The following EPB41L3 variants were observed in gnomAD, a reference collection of about 807,000 sequenced individuals.
EPB41L3 encodes erythrocyte membrane protein band 4.1 like 3, also known as band 4.1-like protein 3.
EPB41L3 carries 57 observed loss-of-function variants against 127.1 expected under a neutral mutation model. The ratio of observed to expected loss-of-function variants is 0.45; its 90% CI spans 0.36 to 0.56. EPB41L3 has a LOEUF of 0.56. EPB41L3 is among the 20% of genes least tolerant of loss of function. The pLI, the probability that EPB41L3 is intolerant of heterozygous loss-of-function variation, is 0.00. For missense variants in EPB41L3, 1,273 were observed against 1,372.2 expected, an observed-to-expected ratio of 0.93 and a Z score of 1.14; for synonymous variants, 572 against 549.5, an observed-to-expected ratio of 1.04 and a Z score of -0.57.
chr18:5,518,084 T>G (rs2092823661), intron 1 of EPB41L3, among the ~76,000 whole-genome samples: 1 of 152,194 alleles, frequency 6.6e-6, no homozygotes, highest in African/African-American at 2.4e-5. Flanking sequence ...CAAGGTCTAT[T>G]TATTCCTTAC....
At position 5,434,131 on chromosome 18, in the gene EPB41L3, A is replaced by G. The variant is rs2079389420; in HGVS notation, c.606-10T>C. 1 of 1,611,968 alleles carries G rather than the reference A, an allele frequency of 6.2e-7. No individual in the cohort carries two copies. The highest frequency in any genetic ancestry group is 1.3e-5 in the African/African-American group (1 of 74,888). On this transcript the variant is annotated splice_polypyrimidine_tract_variant and intron_variant, in intron 6 of 22. Coordinates refer to ENST00000341928, the MANE Select transcript of EPB41L3 (RefSeq NM_012307.5). ...CAAGCAGAGGTAGTACCTTCCAGGA[A>G]CCAAAAGCACAACACAACGAAGGCA...
intron 3 of EPB41L3, among the ~76,000 whole-genome samples, chr18:5,608,003 A>T (rs1273460244): frequency 1.3e-5 from 2 of 152,168 alleles, no homozygotes; most frequent in Non-Finnish European, 2.9e-5. Context: ...TGGATGAAAA[A>T]CAGACCCCTT....
chr18:5,472,542 ATGTGT>A (rs1292000011), intron 3 of EPB41L3, among the ~76,000 whole-genome samples: 2 of 152,220 alleles, frequency 1.3e-5, no homozygotes, highest in African/African-American at 4.8e-5. Flanking sequence ...TCTGTGATTT[ATGTGT>A]TTGGTGAATG....
chr18:5,420,235 T>A (rs1312520380), intron 11 of EPB41L3: 3 of 327,718 alleles, frequency 9.2e-6, no homozygotes, highest in Non-Finnish European at 1.7e-5. Context: ...AGGCTGCCGC[T>A]GGGCATATTA....
At chr18:5,607,669 T>C (rs1351498950) in intron 3 of EPB41L3, among the ~76,000 whole-genome samples, 1 of 152,182 alleles carries the variant, frequency 6.6e-6, no homozygotes, top group African/African-American at 2.4e-5. Context: ...TAGGTTACCA[T>C]CCATTCCATT....
At chr18:5,618,247 G>T (rs1340191179) in intron 1 of EPB41L3, among the ~76,000 whole-genome samples, 4 of 152,160 alleles carry the variant, frequency 2.6e-5, no homozygotes, top group Non-Finnish European at 4.4e-5. Flanking sequence ...AAAAGCCAGA[G>T]ACTGAAGAAA....
At position 5,556,723 on chromosome 18, in the gene EPB41L3, T is replaced by C. The variant is rs531975759; in HGVS notation, c.-306+55617A>G. Among the ~76,000 whole-genome samples the C allele has an allele frequency of 2.0e-5, 3 of 152,072 alleles. No individual in the cohort carries two copies. In the East Asian group the frequency reaches 5.8e-4, roughly 29 times the overall value. ...GGGGAACAGAGCAGGAAACATGGAG[T>C]CCACAGACCTGCCCTCTGCCCCGCT... On this transcript the variant is annotated intron_variant, in intron 3 of 21. Transcript: ENST00000545076.
intron 19 of EPB41L3, 34 bp from the exon 20 acceptor site, chr18:5,395,741 G>C (rs1433267282): frequency 6.4e-7 from 1 of 1,554,968 alleles, no homozygotes; most frequent in Non-Finnish European, 8.9e-7. Context: ...CCTCATCCAG[G>C]TGCTCACATC....
intron 3 of EPB41L3, among the ~76,000 whole-genome samples, chr18:5,473,662 A>G (rs1172025355): frequency 6.6e-6 from 1 of 152,072 alleles, no homozygotes; most frequent in Non-Finnish European, 1.5e-5. Flanking sequence ...GAGGACTGTT[A>G]CCTCCATTGC....
chr18:5,414,068 T>G (rs1176482779), intron 13 of EPB41L3, among the ~76,000 whole-genome samples: 3 of 152,222 alleles, frequency 2.0e-5, no homozygotes, highest in African/African-American at 7.2e-5. Context: ...AACAGCAATC[T>G]TTTCTGCCTT....
rs532377722 is a variant in EPB41L3, at chr18:5,534,034, G to A, written c.-12+9879C>T. The stretch of plus-strand genomic sequence containing the variant: ...AAAAATTAGCAAGGCGTGGTGGCGG[G>A]CGCCTGTAGTCCCAGCTCCTTGGGA... On this transcript the variant is annotated intron_variant, in intron 1 of 22. Coordinates refer to ENST00000341928, the MANE Select transcript of EPB41L3 (RefSeq NM_012307.5). Among the ~76,000 whole-genome samples, 362 of 152,240 alleles carry A rather than the reference G, an allele frequency of 2.4e-3. 1 individual carries two copies. Among genetic ancestry groups the A allele is most frequent in the Non-Finnish European group, 4.4e-3 (301 of 68,018 alleles).
At position 5,408,648 on chromosome 18, in the gene EPB41L3, T is replaced by TG. The variant is rs570296769; in HGVS notation, c.2122-913_2122-912insC. On this transcript the variant is annotated intron_variant, in intron 14 of 22. Transcript: ENST00000341928. ...ACAAATATGGGGCAACTAAGAAAGT[T>TG]TTTTTTTTTTTTTAAAAGAAGTCAG... 2.7e-3 allele frequency among the ~76,000 whole-genome samples: 385 copies of TG among 141,718 alleles called. 7 individuals carry two copies. The highest frequency in any genetic ancestry group is 9.5e-3 in the African/African-American group (379 of 39,966). The allele number at this position is 141,718 out of a possible 152,430, so 93.0% of individuals were successfully genotyped here. A position where few individuals can be genotyped will look rare whatever the true frequency, so the allele number is the denominator to read the frequency against.
intron 1 of EPB41L3, among the ~76,000 whole-genome samples, chr18:5,618,703 TA>T (rs369909150): frequency 1.9e-3 from 295 of 151,640 alleles, no homozygotes; most frequent in African/African-American, 6.7e-3. Flanking sequence ...TGAAAAGTGG[TA>T]AAAAAAAACT....
intron 3 of EPB41L3, among the ~76,000 whole-genome samples, chr18:5,458,188 G>A (rs773078336): frequency 4.6e-5 from 7 of 152,124 alleles, no homozygotes; most frequent in Non-Finnish European, 1.0e-4. Flanking sequence ...TCTCTGGCTA[G>A]AACTACAGTG....
chr18:5,400,710 ATC>A (rs1285045450), intron 16 of EPB41L3: 3 of 523,640 alleles, frequency 5.7e-6, no homozygotes, highest in Non-Finnish European at 1.0e-5. Context: ...CAAGATTATT[ATC>A]AGAAAGTAAG....
At chr18:5,509,531 GGA>G (rs2092409836) in intron 1 of EPB41L3, among the ~76,000 whole-genome samples, 1 of 152,190 alleles carries the variant, frequency 6.6e-6, no homozygotes, top group African/African-American at 2.4e-5. Flanking sequence ...AGGAATCGAA[GGA>G]GATCAAAAGG....
At chr18:5,550,319 G>A (rs2093946720) in intron 3 of EPB41L3, among the ~76,000 whole-genome samples, 1 of 152,154 alleles carries the variant, frequency 6.6e-6, no homozygotes, top group South Asian at 2.1e-4. Context: ...AAACTGACCA[G>A]AGGCTCCATC....
chr18:5,599,211 A>T (rs1049613928), intron 3 of EPB41L3, among the ~76,000 whole-genome samples: 6 of 152,214 alleles, frequency 3.9e-5, no homozygotes, highest in Non-Finnish European at 7.3e-5. Flanking sequence ...AGAATTAAAT[A>T]CATCATGTAT....
chr18:5,444,127 C>A (rs529861988), intron 4 of EPB41L3, among the ~76,000 whole-genome samples: 1 of 152,138 alleles, frequency 6.6e-6, no homozygotes, highest in East Asian at 1.9e-4. Context: ...CTTTTATAAC[C>A]ATTGCCTTCA....
Sources: gnomAD v4.1 joint callset for allele counts (sites outside exome capture counted in the v4.1 genomes callset) on GRCh38, gnomAD v4.1.1 for gene constraint, MANE v1.5 for transcripts, NCBI Gene and HGNC (gene_info 2026-07-23, HGNC 2026-07-21) for gene names.